Variants in TLL2 observed in about 807,000 individuals in gnomAD.
TLL2 encodes the protein tolloid like 2, also known as tolloid-like protein 2.
A neutral mutation model predicts 123.0 loss-of-function variants in TLL2; 106 were observed. The ratio of observed to expected loss-of-function variants is 0.86; its 90% CI spans 0.74 to 1.01. The LOEUF is 1.01. Ranked by LOEUF, TLL2 falls within the 50% of genes least tolerant of loss-of-function variation. The pLI, the probability that TLL2 is intolerant of heterozygous loss-of-function variation, is 0.00. For missense variants in TLL2, 1,332 were observed against 1,336.7 expected, an observed-to-expected ratio of 1.00 and a Z score of 0.06; for synonymous variants, 494 against 516.8, an observed-to-expected ratio of 0.96 and a Z score of 0.60.
intron 1 of TLL2, among the ~76,000 whole-genome samples, chr10:96,503,121 T>A (rs1338082137): frequency 6.6e-6 from 1 of 152,150 alleles, no homozygotes; most frequent in Non-Finnish European, 1.5e-5. Flanking sequence ...CCCTGCTTCA[T>A]GGGTGAGAGC....
intron 4 of TLL2, among the ~76,000 whole-genome samples, chr10:96,429,759 A>G (rs1162493300): frequency 6.6e-6 from 1 of 152,184 alleles, no homozygotes; most frequent in African/African-American, 2.4e-5. Flanking sequence ...ACGGGGTTTC[A>G]GTGTCTTGTG....
At chr10:96,463,659 G>A (rs1847102431) in intron 2 of TLL2, among the ~76,000 whole-genome samples, 1 of 152,220 alleles carries the variant, frequency 6.6e-6, no homozygotes, top group Non-Finnish European at 1.5e-5. Context: ...CTCAGTGGCT[G>A]TGACAAGGGC....
At chr10:96,507,298 C>T (rs78818948) in intron 1 of TLL2, among the ~76,000 whole-genome samples, 1 of 216 alleles carries the variant, frequency 4.6e-3, no homozygotes, top group South Asian at 0.5. Context: ...TGAGCTGCCT[C>T]CCCCCAGCTC....
chr10:96,386,765 G>GT (rs1846238045), intron 14 of TLL2, among the ~76,000 whole-genome samples, 188 bp downstream of exon 14: 1 of 152,190 alleles, frequency 6.6e-6, no homozygotes, highest in Non-Finnish European at 1.5e-5. Flanking sequence ...TGTAATTTGG[G>GT]CAGTTTTCTG....
chr10:96,510,506 T>C (rs530305929), intron 1 of TLL2, among the ~76,000 whole-genome samples: 1 of 152,354 alleles, frequency 6.6e-6, no homozygotes, highest in Non-Finnish European at 1.5e-5. Context: ...AGCATGAAGA[T>C]ATTCTTTCCA....
chr10:96,370,281 G>A lies in TLL2; in HGVS notation c.2697C>T (p.Thr899=). ...CGGRLKAEVQ[T]KELYSHAQFG... The stretch of plus-strand genomic sequence containing the variant: ...ACTGGGCGTGGGAATAGAGCTCTTT[G>A]GTCTGCACTTCAGCCTTCAGCCTGC... Residue 899 remains threonine, a synonymous_variant, in exon 20 of 21, where the codon ACC becomes ACT. Transcript: ENST00000357947. 6.2e-7 allele frequency: 1 copy of A among 1,601,796 alleles called. No homozygotes were observed. Among genetic ancestry groups the A allele is most frequent in the Non-Finnish European group, 8.5e-7 (1 of 1,173,220 alleles).
chr10:96,367,776 C>A lies in TLL2; in HGVS notation c.*312G>T, dbSNP rs550423336. The A allele has an allele frequency of 1.9e-4, 50 of 259,086 alleles. No individual in the cohort carries two copies. Among genetic ancestry groups the A allele is most frequent in the Middle Eastern group, 1.5e-3 (1 of 668 alleles). 16.0% of individuals were successfully genotyped at this position (259,086 alleles called of 1,614,324 possible). A position where few individuals can be genotyped will look rare whatever the true frequency, so the allele number is the denominator to read the frequency against. ...AGGCTGACCTTTTGCCACATAGGAG[C>A]AAGGGACAAGGAGAATGGTATGAAG... On this transcript the variant is annotated 3_prime_UTR_variant, in exon 21 of 21. Transcript: ENST00000357947.
At chr10:96,384,820 C>A in intron 15 of TLL2, 53 bp from the exon 16 acceptor site, 1 of 1,500,072 alleles carries the variant, frequency 6.7e-7, no homozygotes, top group East Asian at 2.4e-5. Flanking sequence ...CCACCCCAGA[C>A]CCCCAGCACA....
chr10:96,460,219 G>A (rs1333498051), intron 2 of TLL2, among the ~76,000 whole-genome samples: 1 of 152,194 alleles, frequency 6.6e-6, no homozygotes, highest in Non-Finnish European at 1.5e-5. Context: ...GCAAATCAAT[G>A]AGAAAAACTT....
intron 2 of TLL2, among the ~76,000 whole-genome samples, chr10:96,471,814 A>C (rs1485364599): frequency 6.6e-6 from 1 of 152,132 alleles, no homozygotes; most frequent in Non-Finnish European, 1.5e-5. Flanking sequence ...GTGGGGAGGC[A>C]CACCAAAGAC....
intron 1 of TLL2, among the ~76,000 whole-genome samples, chr10:96,501,492 C>T (rs1226059409): frequency 6.6e-6 from 1 of 152,224 alleles, no homozygotes; most frequent in Non-Finnish European, 1.5e-5. Flanking sequence ...TTCACTGTAA[C>T]AGTCCTCTGC....
At chr10:96,480,770 G>C (rs543709769) in intron 1 of TLL2, among the ~76,000 whole-genome samples, 1 of 152,214 alleles carries the variant, frequency 6.6e-6, no homozygotes. Context: ...CAAAAAGACA[G>C]CTGCTTCTTT....
intron 5 of TLL2, among the ~76,000 whole-genome samples, chr10:96,427,740 T>C (rs1300753803): frequency 2.0e-5 from 3 of 152,218 alleles, no homozygotes; most frequent in African/African-American, 4.8e-5. Context: ...TATTCAGTAA[T>C]CATCTTATGT....
chr10:96,420,886 T>C, intron 7 of TLL2, 70 bp downstream of exon 7: 1 of 1,420,960 alleles, frequency 7.0e-7, no homozygotes, highest in Non-Finnish European at 9.9e-7. Flanking sequence ...TCCGCAGACC[T>C]CCAGGAATCC....
intron 4 of TLL2, among the ~76,000 whole-genome samples, chr10:96,431,607 G>C (rs1589420874): frequency 3.9e-5 from 6 of 152,182 alleles, no homozygotes; most frequent in Admixed American, 3.3e-4. Context: ...TACCTGCCTA[G>C]GATGTGCCGC....
At chr10:96,418,857 T>A (rs1233918473) in intron 7 of TLL2, among the ~76,000 whole-genome samples, 1 of 149,250 alleles carries the variant, frequency 6.7e-6, no homozygotes, top group East Asian at 1.9e-4. Context: ...ATATATAAAT[T>A]AATAATTATT....
intron 17 of TLL2, among the ~76,000 whole-genome samples, chr10:96,378,590 C>CT (rs1846158274): frequency 6.6e-6 from 1 of 152,192 alleles, no homozygotes; most frequent in African/African-American, 2.4e-5. Flanking sequence ...CTCACAAAAA[C>CT]TTTAAGAAGG....
Position 96,391,617 on chromosome 10 carries a change from C to T in TLL2, c.1726+3570G>A, listed in dbSNP as rs114040532. Reference sequence around the variant, plus strand: ...GAATTCAGCTTCCTCAACTGGAAAACGGGGGCAATAATAATTCCTACCAGG... The same window carrying T: ...GAATTCAGCTTCCTCAACTGGAAAATGGGGGCAATAATAATTCCTACCAGG... On this transcript the variant is annotated intron_variant, in intron 13 of 20. Transcript: ENST00000357947. Among the ~76,000 whole-genome samples, 463 of 152,278 alleles carry T rather than the reference C, an allele frequency of 3.0e-3. 3 individuals carry two copies. Among genetic ancestry groups the T allele is most frequent in the African/African-American group, 0.01 (432 of 41,548 alleles).
At chr10:96,416,252 A>C (rs549535255) in intron 7 of TLL2, among the ~76,000 whole-genome samples, 1 of 152,344 alleles carries the variant, frequency 6.6e-6, no homozygotes, top group African/African-American at 2.4e-5. Flanking sequence ...TAAGGATCAC[A>C]CAGTCTATAA....
Sources: allele counts gnomAD v4.1 joint callset (sites outside exome capture counted in the v4.1 genomes callset), GRCh38; gene constraint gnomAD v4.1.1; transcripts MANE v1.5; gene names NCBI Gene and HGNC (gene_info 2026-07-23, HGNC 2026-07-21).